The following ATP8B4 variants were observed in gnomAD, a reference collection of about 807,000 sequenced individuals.
The protein encoded by ATP8B4 is ATPase phospholipid transporting 8B4 (putative).
In ATP8B4, 133 loss-of-function variants were observed where a neutral mutation model predicts 145.6. That is an observed-to-expected ratio of 0.91 (90% confidence interval 0.79 to 1.05). The LOEUF is 1.05. Among genes scored for constraint, ATP8B4 ranks in the 50% least tolerant of loss-of-function variants. The pLI, the probability that ATP8B4 is intolerant of heterozygous loss-of-function variation, is 0.00. For missense variants in ATP8B4, 1,458 were observed against 1,425.2 expected (o/e 1.02, Z -0.37); for synonymous variants, 507 against 492.9 (o/e 1.03, Z -0.38).
intron 1 of ATP8B4, among the ~76,000 whole-genome samples, chr15:50,144,990 G>A (rs1233525448): frequency 2.0e-5 from 3 of 151,678 alleles, no homozygotes; most frequent in Admixed American, 6.7e-5. Flanking sequence ...GCCTAGCTGA[G>A]CCATGAAAAG....
At chr15:49,899,814 C>A (rs1257606211) in intron 21 of ATP8B4, among the ~76,000 whole-genome samples, 2 of 152,030 alleles carry the variant, frequency 1.3e-5, no homozygotes. Context: ...ATAGTCAAGT[C>A]TCCTTAAATT....
rs113258750 is a variant in ATP8B4, at chr15:50,021,118, TGATAGATAGATAGATAGATA to T, written c.363-10221_363-10202del. Among the ~76,000 whole-genome samples, 589 of 146,864 alleles carry T rather than the reference TGATAGATAGATAGATAGATA, an allele frequency of 4.0e-3. 7 individuals carry two copies. The highest frequency in any genetic ancestry group is 0.013 in the African/African-American group (535 of 39,692). On this transcript the variant is annotated intron_variant, in intron 6 of 27. Coordinates refer to ENST00000284509, the MANE Select transcript of ATP8B4 (RefSeq NM_024837.4). ...GAAAATCCATGAGTGATGGTGATTA[TGATAGATAGATAGATAGATA>T]GATAGATAGATAGATAGATAGATAG...
At chr15:50,109,644 A>G (rs548452146) in intron 1 of ATP8B4, among the ~76,000 whole-genome samples, 12 of 151,826 alleles carry the variant, frequency 7.9e-5, no homozygotes, top group Non-Finnish European at 1.6e-4. Context: ...CAAGATGAAA[A>G]AAAAGGGGAC....
intron 4 of ATP8B4, among the ~76,000 whole-genome samples, chr15:50,045,258 G>A (rs986135761): frequency 5.3e-5 from 8 of 152,164 alleles, no homozygotes. Flanking sequence ...CAGGAGTCAG[G>A]AAATGTTGCA....
intron 1 of ATP8B4, among the ~76,000 whole-genome samples, chr15:50,179,107 C>CTTTT (rs1158539122): frequency 6.6e-6 from 1 of 152,054 alleles, no homozygotes; most frequent in Non-Finnish European, 1.5e-5. Flanking sequence ...ACCAGACTTG[C>CTTTT]TAAAAACAAA....
chr15:50,039,799 C>T (rs777965128), intron 5 of ATP8B4, among the ~76,000 whole-genome samples: 1 of 152,158 alleles, frequency 6.6e-6, no homozygotes, highest in Non-Finnish European at 1.5e-5. Flanking sequence ...CCTTTTTCTA[C>T]AGCCTTCCCA....
intron 1 of ATP8B4, among the ~76,000 whole-genome samples, chr15:50,116,882 T>C (rs1216677401): frequency 1.3e-5 from 2 of 152,084 alleles, no homozygotes; most frequent in Non-Finnish European, 2.9e-5. Flanking sequence ...TAATATTTAA[T>C]ATTTAATTAG....
chr15:50,003,441 G>C (rs1030321353), intron 7 of ATP8B4, among the ~76,000 whole-genome samples: 9 of 152,068 alleles, frequency 5.9e-5, no homozygotes, highest in African/African-American at 2.2e-4. Context: ...GAAGCTTGTT[G>C]AGGCAGAAAT....
intron 1 of ATP8B4, among the ~76,000 whole-genome samples, chr15:50,150,037 G>A (rs529024560): frequency 1.3e-5 from 2 of 151,870 alleles, no homozygotes; most frequent in Non-Finnish European, 2.9e-5. Flanking sequence ...GGAGGTGGAG[G>A]TTGCAGTGAG....
At chr15:50,002,924 T>G (rs1274596971) in intron 7 of ATP8B4, among the ~76,000 whole-genome samples, 1 of 152,182 alleles carries the variant, frequency 6.6e-6, no homozygotes, top group East Asian at 1.9e-4. Flanking sequence ...CTATCACAAT[T>G]CAGTTTTAGC....
intron 1 of ATP8B4, among the ~76,000 whole-genome samples, chr15:50,162,427 A>G (rs1375394183): frequency 6.6e-6 from 1 of 151,944 alleles, no homozygotes; most frequent in Middle Eastern, 3.2e-3. Flanking sequence ...CAATCTCTCT[A>G]TCTCCTCTTT....
At chr15:50,045,883 T>C (rs1322420945) in intron 4 of ATP8B4, among the ~76,000 whole-genome samples, 3 of 152,200 alleles carry the variant, frequency 2.0e-5, no homozygotes, top group South Asian at 2.1e-4. Context: ...GTGTGAAGTG[T>C]TACTTGAAGA....
Position 50,038,758 on chromosome 15 carries a change from T to C in ATP8B4, c.362+10A>G, listed in dbSNP as rs377408507. 6.2e-7 allele frequency: 1 copy of C among 1,606,758 alleles called. No individual in the cohort carries two copies. Among genetic ancestry groups the C allele is most frequent in the Non-Finnish European group, 8.5e-7 (1 of 1,173,700 alleles). ...AATTTTCAGAATAACCCACAGAATGTATTTCTTACTTGCTGTTGATGAGCA... is the reference window on the plus strand; with the variant it reads ...AATTTTCAGAATAACCCACAGAATGCATTTCTTACTTGCTGTTGATGAGCA... On this transcript the variant is annotated intron_variant, in intron 6 of 27. Transcript: ENST00000284509.
At chr15:49,982,710 A>C (rs2046268048) in intron 10 of ATP8B4, 1 of 152,222 alleles carries the variant, frequency 6.6e-6, no homozygotes, top group African/African-American at 2.4e-5. Flanking sequence ...ATGGATTATT[A>C]AGCATTTATG....
intron 6 of ATP8B4, among the ~76,000 whole-genome samples, chr15:50,019,447 TC>T (rs1357745913): frequency 3.9e-5 from 6 of 152,234 alleles, no homozygotes; most frequent in African/African-American, 1.4e-4. Context: ...CACCTGTCTT[TC>T]ATGACATTTT....
chr15:49,864,386 C>T lies in ATP8B4; in HGVS notation c.3166+1960G>A, dbSNP rs1303364174. 2.0e-5 allele frequency among the ~76,000 whole-genome samples: 3 copies of T among 152,204 alleles called. No homozygotes were observed. The East Asian group carries it at 5.8e-4, about 29-fold the overall frequency. The stretch of plus-strand genomic sequence containing the variant: ...AAATTAGTCCAAGAATTTACTTCCT[C>T]AATTAGTGGATACAAATCTCACTCT... On this transcript the variant is annotated intron_variant, in intron 26 of 27. Transcript: ENST00000284509.
chr15:50,145,363 CTCTT>C (rs1371826642), intron 1 of ATP8B4, among the ~76,000 whole-genome samples: 1 of 152,132 alleles, frequency 6.6e-6, no homozygotes, highest in African/African-American at 2.4e-5. Flanking sequence ...CAGGATCAGT[CTCTT>C]TCTTTTTTCA....
At chr15:49,927,253 T>G (rs982889157) in intron 16 of ATP8B4, among the ~76,000 whole-genome samples, 1 of 152,148 alleles carries the variant, frequency 6.6e-6, no homozygotes, top group African/African-American at 2.4e-5. Context: ...AAAGTACTAC[T>G]GGTATTGAAA....
intron 1 of ATP8B4, among the ~76,000 whole-genome samples, chr15:50,155,567 G>A (rs2044399601): frequency 6.6e-6 from 1 of 151,924 alleles, no homozygotes; most frequent in Non-Finnish European, 1.5e-5. Context: ...AAAGGTATTT[G>A]GGTTAATTAG....
Sources: allele counts gnomAD v4.1 joint callset (sites outside exome capture counted in the v4.1 genomes callset), GRCh38; gene constraint gnomAD v4.1.1; transcripts MANE v1.5; gene names NCBI Gene and HGNC (gene_info 2026-07-23, HGNC 2026-07-21).